Variants in FSTL4 observed in about 807,000 individuals in gnomAD.
FSTL4 encodes the protein follistatin like 4.
A neutral mutation model predicts 78.2 loss-of-function variants in FSTL4; 28 were observed. That is an observed-to-expected ratio of 0.36 (90% CI 0.27 to 0.49). The LOEUF (loss-of-function observed/expected upper bound fraction) is 0.49. FSTL4 is among the 20% of genes least tolerant of loss of function. The probability of loss-of-function intolerance (pLI) is 0.98; values close to 1 mark genes in which losing one functional copy is unlikely to be tolerated. For missense variants in FSTL4, 922 were observed against 1,084.9 expected (o/e 0.85, Z 2.11); for synonymous variants, 422 against 440.5 (o/e 0.96, Z 0.53).
intron 6 of FSTL4, among the ~76,000 whole-genome samples, chr5:133,282,809 C>A (rs1360583758): frequency 6.6e-6 from 1 of 152,188 alleles, no homozygotes; most frequent in African/African-American, 2.4e-5. Context: ...TTGTCTGAGG[C>A]CCTGAACTAC....
At chr5:133,694,038 A>C in the FSTL4 span, among the ~76,000 whole-genome samples, 1 of 152,230 alleles carries the variant, frequency 6.6e-6, no homozygotes, top group Non-Finnish European at 1.5e-5. Flanking sequence ...TACTCAATCC[A>C]GTCCAGGTAA....
chr5:133,407,479 A>G (rs1055589876), intron 3 of FSTL4, among the ~76,000 whole-genome samples: 2 of 152,208 alleles, frequency 1.3e-5, no homozygotes, highest in Non-Finnish European at 2.9e-5. Context: ...ACTTGACCAC[A>G]TTCTCCAATC....
At chr5:133,746,716 A>C in the FSTL4 span, among the ~76,000 whole-genome samples, 1 of 152,208 alleles carries the variant, frequency 6.6e-6, no homozygotes, top group Non-Finnish European at 1.5e-5. Context: ...TATACAAAAA[A>C]AGCGATTCCA....
chr5:133,714,007 G>A, the FSTL4 span, among the ~76,000 whole-genome samples: 782 of 152,272 alleles, frequency 5.1e-3, 2 homozygotes, highest in Non-Finnish European at 9.0e-3. Context: ...CAGCAACAAG[G>A]CACTCTCCAG....
chr5:133,230,188 T>C (rs1331024885), intron 8 of FSTL4, among the ~76,000 whole-genome samples: 12 of 152,072 alleles, frequency 7.9e-5, no homozygotes, highest in Non-Finnish European at 1.6e-4. Context: ...TGGCCTCTGA[T>C]AGGAATCCTG....
chr5:133,449,018 C>CAT (rs1320163601), intron 3 of FSTL4, among the ~76,000 whole-genome samples: 203 of 151,094 alleles, frequency 1.3e-3, no homozygotes, highest in East Asian at 5.8e-3. Flanking sequence ...CCTTCAGGCG[C>CAT]ATATATATAT....
chr5:133,457,322 T>C (rs909404560), intron 3 of FSTL4, among the ~76,000 whole-genome samples: 1 of 152,178 alleles, frequency 6.6e-6, no homozygotes, highest in African/African-American at 2.4e-5. Context: ...TTCCAGCCTT[T>C]CACCCTGCTG....
At chr5:133,323,908 A>C (rs531080277) in intron 4 of FSTL4, among the ~76,000 whole-genome samples, 2 of 152,354 alleles carry the variant, frequency 1.3e-5, no homozygotes, top group Non-Finnish European at 2.9e-5. Context: ...ACACCTCATT[A>C]ATCTAGTTCC....
At chr5:133,331,976 C>T (rs997486527) in intron 4 of FSTL4, among the ~76,000 whole-genome samples, 2 of 152,154 alleles carry the variant, frequency 1.3e-5, no homozygotes, top group East Asian at 1.9e-4. Flanking sequence ...CCAGGCGGAA[C>T]GTGTGGGTTT....
At chr5:133,315,076 G>C (rs1753872047) in intron 5 of FSTL4, among the ~76,000 whole-genome samples, 1 of 152,168 alleles carries the variant, frequency 6.6e-6, no homozygotes, top group Admixed American at 6.5e-5. Flanking sequence ...GCAGAAGAAT[G>C]GCTTCAGCCT....
At chr5:133,363,053 T>C (rs1755104383) in intron 4 of FSTL4, among the ~76,000 whole-genome samples, 1 of 152,206 alleles carries the variant, frequency 6.6e-6, no homozygotes, top group African/African-American at 2.4e-5. Context: ...TTGATTTCTC[T>C]CTCTCCTAAC....
At chr5:133,334,648 T>C (rs565259581) in intron 4 of FSTL4, among the ~76,000 whole-genome samples, 3 of 152,346 alleles carry the variant, frequency 2.0e-5, no homozygotes, top group Non-Finnish European at 2.9e-5. Context: ...GGTAACCTGA[T>C]GTTTCTCAAT....
chr5:133,796,736 G>T, the FSTL4 span, among the ~76,000 whole-genome samples: 1 of 151,976 alleles, frequency 6.6e-6, no homozygotes, highest in Non-Finnish European at 1.5e-5. Context: ...GGCTTATATG[G>T]GGTACAGGAT....
chr5:133,500,007 A>C (rs1414280608), intron 3 of FSTL4, among the ~76,000 whole-genome samples: 1 of 152,170 alleles, frequency 6.6e-6, no homozygotes, highest in East Asian at 1.9e-4. Context: ...GGCCAGGAAA[A>C]GGCTGGGGAT....
At chr5:133,302,442 A>G (rs1018678704) in intron 6 of FSTL4, among the ~76,000 whole-genome samples, 9 of 152,176 alleles carry the variant, frequency 5.9e-5, no homozygotes, top group African/African-American at 2.2e-4. Flanking sequence ...TTGGGTACAA[A>G]CACTTTACTG....
chr5:133,557,141 CAA>C (rs890871148), intron 3 of FSTL4, among the ~76,000 whole-genome samples: 1 of 152,136 alleles, frequency 6.6e-6, no homozygotes. Context: ...TTTGAAACAA[CAA>C]AAAAGTGCCC....
chr5:133,325,086 G>A (rs951789162), intron 4 of FSTL4, among the ~76,000 whole-genome samples: 2 of 152,252 alleles, frequency 1.3e-5, no homozygotes, highest in South Asian at 4.1e-4. Flanking sequence ...TGGAGAGGAG[G>A]AGGAAAGCTT....
chr5:133,590,984 C>A (rs1394092291), intron 2 of FSTL4, among the ~76,000 whole-genome samples: 1 of 152,176 alleles, frequency 6.6e-6, no homozygotes, highest in Non-Finnish European at 1.5e-5. Context: ...CCTAAACACC[C>A]CCATTAGGCA....
chr5:133,708,163 AGAGG>A, the FSTL4 span, among the ~76,000 whole-genome samples: 227 of 75,426 alleles, frequency 3.0e-3, 1 homozygote, highest in African/African-American at 0.011. Context: ...AGGAAGGGAG[AGAGG>A]GAGGGAGGGA....
Sources: gnomAD v4.1 joint callset for allele counts (sites outside exome capture counted in the v4.1 genomes callset) on GRCh38, gnomAD v4.1.1 for gene constraint, MANE v1.5 for transcripts, NCBI Gene and HGNC (gene_info 2026-07-23, HGNC 2026-07-21) for gene names.